Variants in GALNT9 observed in about 807,000 individuals in gnomAD.
The protein encoded by GALNT9 is polypeptide N-acetylgalactosaminyltransferase 9, also known as GalNAc transferase 9.
Under a neutral mutation model 63.1 loss-of-function variants are expected in GALNT9, and 47 were observed. The observed-to-expected ratio is 0.75, with a 90% CI of 0.59 to 0.95. The LOEUF (loss-of-function observed/expected upper bound fraction) is 0.95. GALNT9 is among the 40% of genes least tolerant of loss of function. The pLI, the probability that GALNT9 is intolerant of heterozygous loss-of-function variation, is 0.00. For missense variants in GALNT9, 829 were observed against 874.8 expected (o/e 0.95, Z 0.66); for synonymous variants, 396 against 365.7 (o/e 1.08, Z -0.94).
intron 6 of GALNT9, among the ~76,000 whole-genome samples, chr12:132,206,863 C>A (rs534786667): frequency 1.3e-5 from 2 of 152,116 alleles, no homozygotes; most frequent in Non-Finnish European, 2.9e-5. Flanking sequence ...ATTAAAAAAA[C>A]CAGCGAGCCT....
chr12:132,279,390 G>A lies in GALNT9; in HGVS notation c.419+6860C>T, dbSNP rs1880241074. ...CGGCTGGCTGCAGCTGTCAGACTTG[G>A]AGCGTGAGGACAGAGCTGGGCCGGT... On this transcript the variant is annotated intron_variant, in intron 2 of 10. Coordinates refer to ENST00000328957, the MANE Select transcript of GALNT9 (RefSeq NM_001122636.2). This position sits in a 1 kb window ranked among gnomAD's most constrained non-coding sequence, Gnocchi z 4.1. 1 of 152,356 alleles carries A rather than the reference G, an allele frequency of 6.6e-6. No homozygotes were observed. The highest frequency in any genetic ancestry group is 2.1e-4 in the South Asian group (1 of 4,834). The allele number at this position is 152,356 out of a possible 1,614,324, so 9.4% of individuals were successfully genotyped here.
intron 5 of GALNT9, among the ~76,000 whole-genome samples, chr12:132,248,542 T>C (rs773605961): frequency 3.9e-5 from 6 of 152,202 alleles, no homozygotes; most frequent in Non-Finnish European, 7.3e-5. Context: ...ATTTCCCAAG[T>C]TCGAGTGAGT....
At position 132,326,503 on chromosome 12, in the gene GALNT9, G is replaced by A. The variant is rs113221149; in HGVS notation, c.238+2463C>T. 1.6e-3 allele frequency among the ~76,000 whole-genome samples: 238 copies of A among 152,304 alleles called. 1 individual carries two copies. The highest frequency in any genetic ancestry group is 5.3e-3 in the African/African-American group (221 of 41,546). On this transcript the variant is annotated intron_variant, in intron 1 of 10. Coordinates refer to ENST00000328957, the MANE Select transcript of GALNT9 (RefSeq NM_001122636.2). ...CCCAAAGAAAGGCCACTGGACCAGCGGAGGCAGGGTGTGGGAAGAACTTTG... is the reference window on the plus strand; with the variant it reads ...CCCAAAGAAAGGCCACTGGACCAGCAGAGGCAGGGTGTGGGAAGAACTTTG...
chr12:132,320,261 G>T (rs868912999), intron 1 of GALNT9, among the ~76,000 whole-genome samples: 50 of 152,318 alleles, frequency 3.3e-4, no homozygotes, highest in African/African-American at 1.1e-3. Context: ...AGAACGCCCG[G>T]GGAGGGTGCT....
At chr12:132,250,897 C>A (rs533740829) in intron 5 of GALNT9, among the ~76,000 whole-genome samples, 1 of 152,334 alleles carries the variant, frequency 6.6e-6, no homozygotes, top group South Asian at 2.1e-4. Context: ...CGGAGGCCTG[C>A]GGTGGACCTG....
In GALNT9 at chr12:132,238,404, G is replaced by A. The variant is rs2136896039; in HGVS notation, c.1077+9506C>T. 6.6e-6 allele frequency among the ~76,000 whole-genome samples: 1 copy of A among 152,134 alleles called. No homozygotes were observed. The highest frequency in any genetic ancestry group is 1.5e-5 in the Non-Finnish European group (1 of 68,014). The stretch of plus-strand genomic sequence containing the variant: ...GACGGCGCACTCATAACCCTACTAC[G>A]GCTTCCTGTAAGGGGGAGTGGAGGC... On this transcript the variant is annotated intron_variant, in intron 6 of 10. Coordinates refer to ENST00000328957, the MANE Select transcript of GALNT9 (RefSeq NM_001122636.2). The surrounding 1 kb of genome is among the most constrained non-coding windows in gnomAD (Gnocchi z 6.5).
intron 6 of GALNT9, among the ~76,000 whole-genome samples, chr12:132,244,256 A>G (rs1165344295): frequency 1.4e-5 from 1 of 72,952 alleles, no homozygotes; most frequent in African/African-American, 6.1e-5. Flanking sequence ...GGCTGGGGCT[A>G]GACGGGGGAT....
intron 2 of GALNT9, among the ~76,000 whole-genome samples, chr12:132,277,001 G>A (rs190627544): frequency 9.2e-5 from 14 of 152,048 alleles, no homozygotes; most frequent in Non-Finnish European, 1.5e-4. Flanking sequence ...ATGTACACAC[G>A]CAGATACATG....
intron 6 of GALNT9, among the ~76,000 whole-genome samples, chr12:132,210,325 C>T (rs1272406860): frequency 2.6e-5 from 4 of 152,370 alleles, no homozygotes; most frequent in Admixed American, 1.3e-4. Context: ...CGGGCGAGGC[C>T]GTCCCGTGAA....
At chr12:132,284,948 C>T (rs1880531440) in intron 2 of GALNT9, among the ~76,000 whole-genome samples, 1 of 152,236 alleles carries the variant, frequency 6.6e-6, no homozygotes. Context: ...AACCCCAGAG[C>T]AGGTGAGTGA....
intron 2 of GALNT9, among the ~76,000 whole-genome samples, chr12:132,267,745 G>GCACACA (rs530490538): frequency 2.3e-5 from 3 of 132,462 alleles, no homozygotes; most frequent in African/African-American, 8.1e-5. Flanking sequence ...AAATACACAA[G>GCACACA]CACACACACT....
intron 1 of GALNT9, among the ~76,000 whole-genome samples, chr12:132,301,635 G>C (rs1881300516): frequency 6.6e-6 from 1 of 152,246 alleles, no homozygotes; most frequent in Non-Finnish European, 1.5e-5. Context: ...ATGCCATGTG[G>C]ACACATTCAG....
intron 2 of GALNT9, among the ~76,000 whole-genome samples, chr12:132,268,257 A>G (rs1228823229): frequency 1.3e-5 from 2 of 151,920 alleles, no homozygotes; most frequent in Admixed American, 1.3e-4. Context: ...TCACACATGG[A>G]CACCCACCCC....
chr12:132,260,532 G>T (rs1443658205), intron 4 of GALNT9, among the ~76,000 whole-genome samples: 1 of 152,202 alleles, frequency 6.6e-6, no homozygotes, highest in Non-Finnish European at 1.5e-5. Flanking sequence ...GGCCTGAGAG[G>T]CCGGACTTCT....
At chr12:132,303,069 CTCTG>C (rs1881364960) in intron 1 of GALNT9, among the ~76,000 whole-genome samples, 1 of 128,656 alleles carries the variant, frequency 7.8e-6, no homozygotes. Context: ...GTTTCCCACC[CTCTG>C]TCTGTCTCTC....
At chr12:132,324,020 C>G (rs1255253250) in intron 1 of GALNT9, among the ~76,000 whole-genome samples, 1 of 152,226 alleles carries the variant, frequency 6.6e-6, no homozygotes, top group Non-Finnish European at 1.5e-5. Flanking sequence ...ACGATGAACT[C>G]AAGCTGGAAA....
At chr12:132,239,653 CAGAGACAG>C (rs1465381426) in intron 6 of GALNT9, among the ~76,000 whole-genome samples, 4 of 109,150 alleles carry the variant, frequency 3.7e-5, no homozygotes, top group Non-Finnish European at 5.6e-5. Context: ...GAGACAGAGT[CAGAGACAG>C]AGAGAGACAG....
intron 6 of GALNT9, among the ~76,000 whole-genome samples, chr12:132,237,275 T>A (rs1328938022): frequency 6.6e-6 from 1 of 152,004 alleles, no homozygotes; most frequent in Non-Finnish European, 1.5e-5. Context: ...TGTTCATACC[T>A]GTCCACACCT....
At chr12:132,206,809 T>C (rs148192819) in intron 6 of GALNT9, among the ~76,000 whole-genome samples, 4,985 of 151,770 alleles carry the variant, frequency 0.033, 260 homozygotes, top group African/African-American at 0.11. Flanking sequence ...CTGACCTGAG[T>C]GCGGCACGCC....
Sources: allele counts gnomAD v4.1 joint callset (sites outside exome capture counted in the v4.1 genomes callset), GRCh38; gene constraint gnomAD v4.1.1; non-coding constraint Gnocchi (gnomAD v3.1); transcripts MANE v1.5; gene names NCBI Gene and HGNC (gene_info 2026-07-23, HGNC 2026-07-21).